IRAG1: variants seen among roughly 807,000 people sequenced by gnomAD.
The protein encoded by IRAG1 is inositol 1,4,5-triphosphate receptor associated 1, also known as IP3R-associated cGMP kinase substrate.
Under a neutral mutation model 106.2 loss-of-function variants are expected in IRAG1, and 62 were observed. That is an observed-to-expected ratio of 0.58 (90% CI 0.48 to 0.72). IRAG1 has a LOEUF of 0.72. IRAG1 is among the 30% of genes least tolerant of loss of function. The pLI is 0.00. For synonymous variants in IRAG1, 462 were observed against 443.9 expected (o/e 1.04, Z -0.51); for missense variants, 1,064 against 1,140.7 (o/e 0.93, Z 0.97).
At chr11:10,597,247 A>AT (rs1176722590) in intron 15 of IRAG1, among the ~76,000 whole-genome samples, 1 of 152,118 alleles carries the variant, frequency 6.6e-6, no homozygotes, top group Non-Finnish European at 1.5e-5. Flanking sequence ...TTTATTCCTC[A>AT]TTTTGAGGAG....
chr11:10,690,810 C>G (rs985443689), intron 1 of IRAG1, among the ~76,000 whole-genome samples: 1 of 152,196 alleles, frequency 6.6e-6, no homozygotes, highest in Admixed American at 6.5e-5. Flanking sequence ...AGCACAGATC[C>G]TGGCACAAAG....
chr11:10,576,173 GA>G lies in IRAG1; in HGVS notation c.*158del. The stretch of plus-strand genomic sequence containing the variant: ...CCAAGAACATCAAGTCACTGTGTAT[GA>G]ATAGCTCCCACAGAAGTGCCGAGTG... On this transcript the variant is annotated 3_prime_UTR_variant, in exon 21 of 21. Coordinates refer to ENST00000423302, the MANE Select transcript of IRAG1 (RefSeq NM_130385.4). The G allele has an allele frequency of 1.1e-6, 1 of 901,550 alleles. No individual in the cohort carries two copies. Among genetic ancestry groups the G allele is most frequent in the Non-Finnish European group, 1.7e-6 (1 of 604,956 alleles). The allele number at this position is 901,550 out of a possible 1,614,324, so 55.8% of individuals were successfully genotyped here.
At chr11:10,644,705 A>C (rs1375124568) in intron 2 of IRAG1, among the ~76,000 whole-genome samples, 1 of 152,226 alleles carries the variant, frequency 6.6e-6, no homozygotes, top group Non-Finnish European at 1.5e-5. Context: ...TACTCTACAC[A>C]GTCCTTACCA....
intron 15 of IRAG1, among the ~76,000 whole-genome samples, chr11:10,594,846 C>T (rs1303401257): frequency 1.3e-5 from 2 of 152,112 alleles, no homozygotes; most frequent in Admixed American, 6.5e-5. Context: ...ATCATTTAGC[C>T]TGCATATCTC....
intron 1 of IRAG1, among the ~76,000 whole-genome samples, chr11:10,680,344 G>GGAAGGAAGGAAGGAAAGAAAGAAAGAAA (rs1861071125): frequency 8.8e-5 from 6 of 67,992 alleles, no homozygotes; most frequent in African/African-American, 3.2e-4. Context: ...AAGGAAGGAA[G>GGAAGGAAGGAAGGAAAGAAAGAAAGAAA]GAAAGAAAGA....
chr11:10,593,355 A>C, intron 17 of IRAG1, 137 bp downstream of exon 17: 1 of 637,644 alleles, frequency 1.6e-6, no homozygotes, highest in Non-Finnish European at 2.7e-6. Context: ...TGAGCCTATC[A>C]CTCAGATTCT....
chr11:10,670,612 C>T (rs1860141258), intron 1 of IRAG1, among the ~76,000 whole-genome samples: 2 of 152,176 alleles, frequency 1.3e-5, no homozygotes, highest in South Asian at 4.1e-4. Flanking sequence ...CCCAATACTC[C>T]TCCTAGTTCT....
intron 1 of IRAG1, among the ~76,000 whole-genome samples, chr11:10,678,783 C>A (rs561387223): frequency 8.7e-4 from 133 of 152,338 alleles, no homozygotes; most frequent in African/African-American, 3.0e-3. Flanking sequence ...GTAATCGAAG[C>A]TTTTTCCTGG....
At chr11:10,593,856 C>G in intron 16 of IRAG1, 2 of 571,274 alleles carry the variant, frequency 3.5e-6, no homozygotes, top group Admixed American at 6.2e-5. Context: ...GGAAATGACC[C>G]CACAGTCTCT....
chr11:10,608,192 G>A (rs1415154277), intron 11 of IRAG1, among the ~76,000 whole-genome samples: 1 of 152,054 alleles, frequency 6.6e-6, no homozygotes, highest in Non-Finnish European at 1.5e-5. Flanking sequence ...CACTGCAGAG[G>A]TGGCTTACTA....
chr11:10,632,235 G>C (rs1320603906), intron 3 of IRAG1, among the ~76,000 whole-genome samples, 174 bp from the exon 4 acceptor site: 1 of 146,120 alleles, frequency 6.8e-6, no homozygotes, highest in Non-Finnish European at 1.5e-5. Context: ...ACCCAGGCTG[G>C]AGTGCAGTGG....
chr11:10,631,964 C>G lies in IRAG1; in HGVS notation c.400+27G>C, dbSNP rs752014718. ...CTGCCAGACCTGTCTTTCTACTCAA[C>G]ATGCCTTAGATTGCCCTGGTCCTTA... On this transcript the variant is annotated intron_variant, in intron 4 of 20. Coordinates refer to ENST00000423302, the MANE Select transcript of IRAG1 (RefSeq NM_130385.4). 2.5e-6 allele frequency: 4 copies of G among 1,605,374 alleles called. No homozygotes were observed. In the South Asian group the frequency reaches 3.3e-5, roughly 13 times the overall value.
intron 1 of IRAG1, among the ~76,000 whole-genome samples, chr11:10,668,211 T>C (rs1011650267): frequency 6.6e-6 from 1 of 152,252 alleles, no homozygotes; most frequent in Admixed American, 6.5e-5. Flanking sequence ...AATTGTTTAG[T>C]TGGAAACATA....
chr11:10,587,325 AT>A (rs1216282781), intron 18 of IRAG1, among the ~76,000 whole-genome samples: 19 of 152,180 alleles, frequency 1.2e-4, no homozygotes. Flanking sequence ...TGATCGGCAT[AT>A]CTTCTTGGGC....
intron 2 of IRAG1, among the ~76,000 whole-genome samples, chr11:10,650,823 C>G (rs577275008): frequency 1.6e-4 from 24 of 152,318 alleles, no homozygotes; most frequent in African/African-American, 5.1e-4. Flanking sequence ...AACCCCCTCA[C>G]CCCTAAGGCT....
chr11:10,609,798 A>C lies in IRAG1; in HGVS notation c.1501T>G (p.Leu501Val). ...AIEEEESKSG[L>V]DVMPNISDVL... ...TCAGAAATATTAGGCATGACATCTA[A>C]GCCACTCTTTGACTCTTCTTCCTCA... Residue 501 changes from leucine to valine, a missense_variant, in exon 11 of 21, where the codon TTA becomes GTA. Leu to Val is a conservative substitution (Grantham distance 32). Transcript: ENST00000423302. 1 of 1,613,950 alleles carries C rather than the reference A, an allele frequency of 6.2e-7. No individual in the cohort carries two copies. Among genetic ancestry groups the C allele is most frequent in the South Asian group, 1.1e-5 (1 of 91,080 alleles).
At chr11:10,626,896 A>G (rs761475018) in intron 8 of IRAG1, among the ~76,000 whole-genome samples, 11 of 152,356 alleles carry the variant, frequency 7.2e-5, no homozygotes, top group South Asian at 6.2e-4. Context: ...GGTGCTGCTT[A>G]GCAAGGCCCT....
At chr11:10,645,131 A>G (rs1402770999) in intron 2 of IRAG1, among the ~76,000 whole-genome samples, 1 of 152,170 alleles carries the variant, frequency 6.6e-6, no homozygotes, top group Non-Finnish European at 1.5e-5. Flanking sequence ...CTCAATAAAC[A>G]TTTATTGAGC....
intron 7 of IRAG1, 44 bp downstream of exon 7, chr11:10,627,929 C>G: frequency 6.3e-7 from 1 of 1,584,522 alleles, no homozygotes; most frequent in Non-Finnish European, 8.6e-7. Flanking sequence ...AGGGGAGAGA[C>G]CCATTGGCAT....
Sources: allele counts gnomAD v4.1 joint callset (sites outside exome capture counted in the v4.1 genomes callset), GRCh38; gene constraint gnomAD v4.1.1; transcripts MANE v1.5; gene names NCBI Gene and HGNC (gene_info 2026-07-23, HGNC 2026-07-21).